SGIP1: variants seen among roughly 807,000 people sequenced by gnomAD.
The protein encoded by SGIP1 is SH3GL interacting endocytic adaptor 1, also known as SH3-containing GRB2-like protein 3-interacting protein 1.
A neutral mutation model predicts 107.5 loss-of-function variants in SGIP1; 38 were observed. The observed-to-expected ratio is 0.35, with a 90% CI of 0.27 to 0.46. SGIP1 has a LOEUF of 0.46. Ranked by LOEUF, SGIP1 falls within the 20% of genes least tolerant of loss-of-function variation. The probability of loss-of-function intolerance (pLI) is 1.00; values close to 1 mark genes in which losing one functional copy is unlikely to be tolerated. For missense variants in SGIP1, 929 were observed against 1,019.5 expected (o/e 0.91, Z 1.21); for synonymous variants, 365 against 366.1 (o/e 1.00, Z 0.03).
At chr1:66,572,378 C>G (rs914672499) in intron 1 of SGIP1, among the ~76,000 whole-genome samples, 1 of 152,040 alleles carries the variant, frequency 6.6e-6, no homozygotes, top group Non-Finnish European at 1.5e-5. Flanking sequence ...TGGGATTTAT[C>G]TTTAGAGAAA....
At chr1:66,613,857 A>G (rs1304774536) in intron 1 of SGIP1, among the ~76,000 whole-genome samples, 1 of 152,198 alleles carries the variant, frequency 6.6e-6, no homozygotes. Flanking sequence ...TAGATGTTGT[A>G]TCTCTAGTTA....
At chr1:66,617,668 A>T (rs2069734329) in intron 1 of SGIP1, among the ~76,000 whole-genome samples, 1 of 152,212 alleles carries the variant, frequency 6.6e-6, no homozygotes, top group African/African-American at 2.4e-5. Context: ...GTTAATGAAG[A>T]CTGAAGCTGA....
At chr1:66,555,263 A>G (rs1339949079) in intron 1 of SGIP1, among the ~76,000 whole-genome samples, 1 of 151,946 alleles carries the variant, frequency 6.6e-6, no homozygotes, top group Non-Finnish European at 1.5e-5. Flanking sequence ...TGAAACCTCC[A>G]TTTTTCCTTC....
chr1:66,569,790 A>G (rs776749068), intron 1 of SGIP1, among the ~76,000 whole-genome samples: 2 of 151,864 alleles, frequency 1.3e-5, no homozygotes, highest in Non-Finnish European at 2.9e-5. Flanking sequence ...AATATTATAG[A>G]AAATTAGAAA....
intron 1 of SGIP1, among the ~76,000 whole-genome samples, chr1:66,549,185 TC>T: frequency 1.3e-5 from 2 of 150,538 alleles, no homozygotes; most frequent in Admixed American, 1.3e-4. Context: ...CTTCCTTCCT[TC>T]CTTCCTTCCT....
chr1:66,643,818 G>C, intron 7 of SGIP1, 99 bp downstream of exon 7: 5 of 1,058,174 alleles, frequency 4.7e-6, no homozygotes, highest in Non-Finnish European at 6.5e-6. Flanking sequence ...TTAAATTGAA[G>C]CCTGCATATG....
At chr1:66,632,170 T>C (rs11208932) in intron 2 of SGIP1, among the ~76,000 whole-genome samples, 102,127 of 152,068 alleles carry the variant, frequency 0.67, 35,500 homozygotes, top group East Asian at 1. Flanking sequence ...CTATATATTA[T>C]CTTATTTAAA....
At chr1:66,734,154 CTAAT>C (rs1258637424) in intron 21 of SGIP1, among the ~76,000 whole-genome samples, 1 of 152,012 alleles carries the variant, frequency 6.6e-6, no homozygotes, top group Non-Finnish European at 1.5e-5. Flanking sequence ...AAACATTATA[CTAAT>C]TAAGATTATA....
At chr1:66,602,749 C>G (rs1353489529) in intron 1 of SGIP1, among the ~76,000 whole-genome samples, 1 of 152,100 alleles carries the variant, frequency 6.6e-6, no homozygotes, top group East Asian at 1.9e-4. Context: ...ATCTAATGCT[C>G]TCTCCTGGCT....
In SGIP1 at chr1:66,633,981, G is replaced by A. The variant is rs1235316224; in HGVS notation, c.99+887G>A. The A allele has an allele frequency of 7.0e-6, 7 of 1,003,502 alleles. No homozygotes were observed. The African/African-American group carries it at 8.2e-5, about 12-fold the overall frequency. 62.2% of individuals were successfully genotyped at this position (1,003,502 alleles called of 1,614,324 possible). ...TTGACTCAAGGTTCTTAGCTTTGGG[G>A]CGCCTTTTGCCTTCATGTGGTTCTT... is the stretch of plus-strand genomic sequence containing the variant. On this transcript the variant is annotated intron_variant, in intron 3 of 24. Coordinates refer to ENST00000371037, the MANE Select transcript of SGIP1 (RefSeq NM_032291.4).
intron 1 of SGIP1, among the ~76,000 whole-genome samples, chr1:66,568,068 G>C (rs1416870970): frequency 6.6e-6 from 1 of 152,052 alleles, no homozygotes; most frequent in African/African-American, 2.4e-5. Flanking sequence ...GGTGGGAATT[G>C]CATTGAATGT....
At chr1:66,580,580 G>A (rs1266746595) in intron 1 of SGIP1, among the ~76,000 whole-genome samples, 1 of 151,994 alleles carries the variant, frequency 6.6e-6, no homozygotes, top group Non-Finnish European at 1.5e-5. Context: ...CAGGAATTTT[G>A]TTTGTTACTA....
chr1:66,617,195 C>T lies in SGIP1; in HGVS notation c.11-8652C>T, dbSNP rs76729231. Among the ~76,000 whole-genome samples the T allele has an allele frequency of 1.6e-3, 247 of 152,306 alleles. 7 individuals are homozygous for T. In the East Asian group the frequency reaches 0.045, roughly 27 times the overall value. ...CGGCTTGTAAACATTTACTGAATGA[C>T]TGCCTTGCACCAGGTACTGCTAGAC... On this transcript the variant is annotated intron_variant, in intron 1 of 24. Transcript: ENST00000371037.
intron 8 of SGIP1, among the ~76,000 whole-genome samples, chr1:66,665,601 A>G (rs546287968): frequency 2.0e-5 from 3 of 152,232 alleles, no homozygotes; most frequent in African/African-American, 7.2e-5. Flanking sequence ...GTGTAAAAAC[A>G]TTCCTATTTC....
At chr1:66,699,902 G>A (rs1484660863) in intron 18 of SGIP1, among the ~76,000 whole-genome samples, 2 of 152,064 alleles carry the variant, frequency 1.3e-5, no homozygotes, top group African/African-American at 2.4e-5. Context: ...GGGAATTTGA[G>A]GTTGAAAAAT....
At chr1:66,695,073 G>A in intron 17 of SGIP1, 1 of 403,408 alleles carries the variant, frequency 2.5e-6, no homozygotes, top group Non-Finnish European at 4.3e-6. Context: ...AAGATGAAAT[G>A]GATACAGCAA....
chr1:66,619,612 T>C (rs4462119), intron 1 of SGIP1, among the ~76,000 whole-genome samples: 22,541 of 152,250 alleles, frequency 0.15, 2,199 homozygotes, highest in East Asian at 0.46. Flanking sequence ...CCTCTCCATG[T>C]TGTTCTGTTA....
chr1:66,665,776 G>T (rs1161432094), intron 8 of SGIP1: 1 of 152,162 alleles, frequency 6.6e-6, no homozygotes, highest in Non-Finnish European at 1.5e-5. Flanking sequence ...CTTCTTTTGA[G>T]AAGTGTCTGT....
At chr1:66,549,538 T>A (rs2057069367) in intron 1 of SGIP1, among the ~76,000 whole-genome samples, 1 of 152,166 alleles carries the variant, frequency 6.6e-6, no homozygotes, top group Non-Finnish European at 1.5e-5. Context: ...TGACACTATG[T>A]GTGTGTAGAG....
Sources: gnomAD v4.1 joint callset for allele counts (sites outside exome capture counted in the v4.1 genomes callset) on GRCh38, gnomAD v4.1.1 for gene constraint, MANE v1.5 for transcripts, NCBI Gene and HGNC (gene_info 2026-07-23, HGNC 2026-07-21) for gene names.